DYRK1A: variants seen among roughly 807,000 people sequenced by gnomAD.
The protein encoded by DYRK1A is dual specificity tyrosine phosphorylation regulated kinase 1A, also known as dual specificity tyrosine-phosphorylation-regulated kinase 1A.
Under a neutral mutation model 79.7 loss-of-function variants are expected in DYRK1A, and 9 were observed. The ratio of observed to expected loss-of-function variants is 0.11; its 90% confidence interval spans 0.07 to 0.20. The LOEUF is 0.20. DYRK1A is among the 10% of genes least tolerant of loss of function. The pLI is 1.00. For missense variants in DYRK1A, 622 were observed against 956.0 expected, an observed-to-expected ratio of 0.65 and a Z score of 4.61; for synonymous variants, 349 against 329.7, an observed-to-expected ratio of 1.06 and a Z score of -0.63.
intron 2 of DYRK1A, among the ~76,000 whole-genome samples, chr21:37,461,386 G>A (rs775516597): frequency 1.6e-4 from 24 of 152,226 alleles, no homozygotes; most frequent in Non-Finnish European, 3.2e-4. Flanking sequence ...ACTCCACAAT[G>A]TTATTTTTGC....
chr21:37,401,356 A>G (rs2050049280), intron 1 of DYRK1A, among the ~76,000 whole-genome samples: 1 of 151,944 alleles, frequency 6.6e-6, no homozygotes, highest in African/African-American at 2.4e-5. Context: ...GTGTGTATTA[A>G]TTTTAATATT....
intron 5 of DYRK1A, among the ~76,000 whole-genome samples, chr21:37,484,855 G>A (rs1047945784): frequency 2.0e-5 from 3 of 152,124 alleles, no homozygotes; most frequent in Non-Finnish European, 2.9e-5. Flanking sequence ...CTTTTTCCCA[G>A]GGCAGACTGA....
Position 37,417,529 on chromosome 21 carries a change from C to CTTTTTTTTT in DYRK1A, c.-76-2753_-76-2745dup, listed in dbSNP as rs3216074. On this transcript the variant is annotated intron_variant, in intron 1 of 11. Transcript: ENST00000647188. ...TTCTTTTCTTTTTCTTTTTCTTTTT[C>CTTTTTTTTT]TTTTTTTTTTTTTTTTTTTTTTTTT... Among the ~76,000 whole-genome samples the CTTTTTTTTT allele has an allele frequency of 5.9e-4, 26 of 44,042 alleles. 1 individual carries two copies. Among genetic ancestry groups the CTTTTTTTTT allele is most frequent in the African/African-American group, 1.2e-3 (12 of 9,784 alleles). The allele number at this position is 44,042 out of a possible 152,430, so 28.9% of individuals were successfully genotyped here.
chr21:37,377,517 G>A (rs2049570820), intron 1 of DYRK1A, among the ~76,000 whole-genome samples: 1 of 152,168 alleles, frequency 6.6e-6, no homozygotes, highest in South Asian at 2.1e-4. Context: ...CACTGAGGCT[G>A]AAGTGCAGTG....
At chr21:37,395,647 A>G (rs978972550) in intron 1 of DYRK1A, among the ~76,000 whole-genome samples, 1 of 152,226 alleles carries the variant, frequency 6.6e-6, no homozygotes, top group Admixed American at 6.5e-5. Context: ...TTACTCTGGC[A>G]TAGTACCTGC....
At chr21:37,440,408 A>G (rs2051067193) in intron 2 of DYRK1A, among the ~76,000 whole-genome samples, 1 of 151,942 alleles carries the variant, frequency 6.6e-6, no homozygotes, top group Non-Finnish European at 1.5e-5. Context: ...AAGTGTTGGG[A>G]TTACAGGCGT....
At chr21:37,471,639 C>T (rs1007732655) in intron 2 of DYRK1A, among the ~76,000 whole-genome samples, 2 of 152,172 alleles carry the variant, frequency 1.3e-5, no homozygotes, top group African/African-American at 4.8e-5. Context: ...TATGCATGGC[C>T]ATACAGCTGG....
At chr21:37,409,714 C>A (rs1384427066) in intron 1 of DYRK1A, among the ~76,000 whole-genome samples, 1 of 151,964 alleles carries the variant, frequency 6.6e-6, no homozygotes, top group African/African-American at 2.4e-5. Context: ...ATTTTATTGG[C>A]CAAAGATATT....
At chr21:37,441,026 A>G (rs754769505) in intron 2 of DYRK1A, among the ~76,000 whole-genome samples, 2 of 151,878 alleles carry the variant, frequency 1.3e-5, no homozygotes, top group Non-Finnish European at 2.9e-5. Flanking sequence ...AATTGTGTCT[A>G]TCGTTGTAGT....
rs1485451358 is a variant in DYRK1A, at chr21:37,523,628, C to T, written c.*11097C>T. The T allele has an allele frequency of 6.6e-6, 1 of 152,192 alleles. No individual in the cohort carries two copies. 9.4% of individuals were successfully genotyped at this position (152,192 alleles called of 1,614,324 possible). On this transcript the variant is annotated 3_prime_UTR_variant, in exon 12 of 12. Coordinates refer to ENST00000647188, the MANE Select transcript of DYRK1A (RefSeq NM_001347721.2). ...GCAGGGACGACTTTGGCTTCTGTTTCCTGCCCATTGCAGATTAGGCATCAG... is the reference window on the plus strand; with the variant it reads ...GCAGGGACGACTTTGGCTTCTGTTTTCTGCCCATTGCAGATTAGGCATCAG...
At chr21:37,488,435 T>C (rs976420967) in intron 6 of DYRK1A, 24 of 703,690 alleles carry the variant, frequency 3.4e-5, no homozygotes, top group Non-Finnish European at 4.0e-5. Context: ...TGAGTTTTAT[T>C]GTCTTGTCTT....
At chr21:37,436,178 G>A (rs994013308) in intron 2 of DYRK1A, among the ~76,000 whole-genome samples, 3 of 152,164 alleles carry the variant, frequency 2.0e-5, no homozygotes, top group African/African-American at 4.8e-5. Context: ...TCTGGGAAAG[G>A]GTTAAAGAGG....
At chr21:37,480,060 T>C (rs1176578657) in intron 4 of DYRK1A, among the ~76,000 whole-genome samples, 1 of 152,186 alleles carries the variant, frequency 6.6e-6, no homozygotes, top group East Asian at 1.9e-4. Context: ...ACTGGGCATG[T>C]CTCAGAGGGC....
At chr21:37,506,889 C>T (rs1378898470) in intron 11 of DYRK1A, among the ~76,000 whole-genome samples, 2 of 152,192 alleles carry the variant, frequency 1.3e-5, no homozygotes, top group South Asian at 2.1e-4. Context: ...TAAGAGTGCT[C>T]TCCATTCTTG....
At chr21:37,416,341 GAC>G (rs2050339861) in intron 1 of DYRK1A, among the ~76,000 whole-genome samples, 1 of 56,346 alleles carries the variant, frequency 1.8e-5, no homozygotes, top group Non-Finnish European at 3.5e-5. Flanking sequence ...TTTTTTTAAA[GAC>G]TGTGACTGTT....
At chr21:37,430,197 C>A (rs887541007) in intron 2 of DYRK1A, 1 of 713,084 alleles carries the variant, frequency 1.4e-6, no homozygotes, top group Non-Finnish European at 1.7e-6. Context: ...CCAGTTACTT[C>A]CAGCTTGTAT....
intron 1 of DYRK1A, chr21:37,367,964 T>C (rs879305657): frequency 1.1e-3 from 187 of 162,926 alleles, no homozygotes; most frequent in Non-Finnish European, 1.8e-3. Flanking sequence ...CCTCCTCCTC[T>C]TCCTCCTCAT....
intron 2 of DYRK1A, among the ~76,000 whole-genome samples, chr21:37,468,907 T>C (rs1382130317): frequency 1.3e-5 from 2 of 152,214 alleles, no homozygotes; most frequent in Non-Finnish European, 2.9e-5. Context: ...GCAAGCTGCC[T>C]GTAACCAATA....
chr21:37,366,946 C>A lies in DYRK1A; in HGVS notation c.-759C>A. Reference sequence around the variant, plus strand: ...CGCTGCTGCTGATCGCGGCCCAGGTCGGCCTCAGAGAGCGGACACCCCGAG... The same window carrying A: ...CGCTGCTGCTGATCGCGGCCCAGGTAGGCCTCAGAGAGCGGACACCCCGAG... On this transcript the variant is annotated 5_prime_UTR_variant, in exon 1 of 12. Coordinates refer to ENST00000647188, the MANE Select transcript of DYRK1A (RefSeq NM_001347721.2). 3 of 156,636 alleles carry A rather than the reference C, an allele frequency of 1.9e-5. No individual in the cohort carries two copies. In the South Asian group the frequency reaches 4.6e-4, roughly 24 times the overall value. 9.7% of individuals were successfully genotyped at this position (156,636 alleles called of 1,614,324 possible).
Sources: gnomAD v4.1 joint callset for allele counts (sites outside exome capture counted in the v4.1 genomes callset) on GRCh38, gnomAD v4.1.1 for gene constraint, MANE v1.5 for transcripts, NCBI Gene and HGNC (gene_info 2026-07-23, HGNC 2026-07-21) for gene names.